The following LHFPL2 variants were observed in gnomAD, a reference collection of about 807,000 sequenced individuals.
The protein encoded by LHFPL2 is LHFPL tetraspan subfamily member 2 protein.
In LHFPL2, 7 loss-of-function variants were observed where a neutral mutation model predicts 17.5. That is an observed-to-expected ratio of 0.40 (90% CI 0.23 to 0.75). The LOEUF (loss-of-function observed/expected upper bound fraction) is 0.75, where lower values mean the gene tolerates loss of function less well. Among genes scored for constraint, LHFPL2 ranks in the 30% least tolerant of loss-of-function variants. The pLI, the probability that LHFPL2 is intolerant of heterozygous loss-of-function variation, is 0.37. For synonymous variants in LHFPL2, 134 were observed against 116.2 expected, an observed-to-expected ratio of 1.15 and a Z score of -0.99; for missense variants, 241 against 294.8, an observed-to-expected ratio of 0.82 and a Z score of 1.34.
At chr5:78,609,650 A>G (rs761728633) in intron 2 of LHFPL2, among the ~76,000 whole-genome samples, 12 of 152,124 alleles carry the variant, frequency 7.9e-5, no homozygotes, top group Admixed American at 1.3e-4. Context: ...CTGAGGGTGT[A>G]TATGTACATG....
At chr5:78,546,255 T>C (rs559912453) in intron 3 of LHFPL2, among the ~76,000 whole-genome samples, 4 of 152,344 alleles carry the variant, frequency 2.6e-5, no homozygotes, top group Non-Finnish European at 2.9e-5. Flanking sequence ...CAACTTTATA[T>C]GGGGCAATTT....
In LHFPL2 at chr5:78,491,459, G is replaced by A. The variant is rs745952162; in HGVS notation, c.431-2306C>T. Reference sequence around the variant, plus strand: ...AGGCAGCCAGTGCAGACTCTTGGTCGTCTAGAATATGGAAGGTCCTGAACC... The same window carrying A: ...AGGCAGCCAGTGCAGACTCTTGGTCATCTAGAATATGGAAGGTCCTGAACC... On this transcript the variant is annotated intron_variant, in intron 4 of 4. Transcript: ENST00000380345. Among the ~76,000 whole-genome samples the A allele has an allele frequency of 7.2e-5, 11 of 152,112 alleles. No individual in the cohort carries two copies. The South Asian group carries it at 1.0e-3, about 14-fold the overall frequency.
intron 3 of LHFPL2, among the ~76,000 whole-genome samples, chr5:78,514,465 A>T (rs940851034): frequency 1.3e-5 from 2 of 152,164 alleles, no homozygotes; most frequent in African/African-American, 2.4e-5. Context: ...AGTCAGTCCT[A>T]TGTACAGATT....
chr5:78,520,528 G>T (rs1209476489), intron 3 of LHFPL2, among the ~76,000 whole-genome samples: 8 of 152,214 alleles, frequency 5.3e-5, no homozygotes, highest in Admixed American at 4.6e-4. Context: ...GGCTCCATAG[G>T]ACCTGCTCCT....
chr5:78,634,549 A>G (rs1162573382), intron 1 of LHFPL2, among the ~76,000 whole-genome samples: 1 of 152,230 alleles, frequency 6.6e-6, no homozygotes, highest in Non-Finnish European at 1.5e-5. Context: ...CACACCTGCT[A>G]GCCCTCAACG....
At chr5:78,496,017 C>A (rs1051924340) in intron 4 of LHFPL2, among the ~76,000 whole-genome samples, 1 of 152,202 alleles carries the variant, frequency 6.6e-6, no homozygotes, top group Admixed American at 6.5e-5. Context: ...GCAAATGTTG[C>A]CTCCCCGGGA....
chr5:78,545,603 C>T (rs147591507), intron 3 of LHFPL2, among the ~76,000 whole-genome samples: 1 of 152,216 alleles, frequency 6.6e-6, no homozygotes, highest in Non-Finnish European at 1.5e-5. Context: ...TTTAAAAAGA[C>T]TTGGTGTGAT....
intron 2 of LHFPL2, among the ~76,000 whole-genome samples, chr5:78,592,965 A>G (rs1249920377): frequency 2.0e-5 from 3 of 152,350 alleles, no homozygotes; most frequent in South Asian, 2.1e-4. Context: ...AAAACATTCA[A>G]TACTATGAAC....
chr5:78,609,378 G>A (rs1458035324), intron 2 of LHFPL2, among the ~76,000 whole-genome samples: 1 of 147,258 alleles, frequency 6.8e-6, no homozygotes, highest in African/African-American at 2.5e-5. Context: ...TGGAACCCGG[G>A]AGGCAGAGGT....
intron 3 of LHFPL2, among the ~76,000 whole-genome samples, chr5:78,563,245 C>T (rs568111482): frequency 1.3e-5 from 2 of 152,290 alleles, no homozygotes; most frequent in African/African-American, 4.8e-5. Context: ...ATTAGCCAAA[C>T]TTTAAACAGG....
chr5:78,537,960 G>C (rs1013293564), intron 3 of LHFPL2, among the ~76,000 whole-genome samples: 1 of 152,178 alleles, frequency 6.6e-6, no homozygotes, highest in Non-Finnish European at 1.5e-5. Context: ...CAGGGATGGG[G>C]AATGTGTGAG....
chr5:78,492,310 T>G (rs941543821), intron 4 of LHFPL2, among the ~76,000 whole-genome samples: 1 of 152,208 alleles, frequency 6.6e-6, no homozygotes, highest in Non-Finnish European at 1.5e-5. Flanking sequence ...AACTGCACAT[T>G]GCACTTGTAT....
intron 2 of LHFPL2, 54 bp from the exon 3 acceptor site, chr5:78,564,925 G>C (rs1756819938): frequency 6.6e-6 from 1 of 152,126 alleles, no homozygotes; most frequent in South Asian, 2.1e-4. Flanking sequence ...TACACACAAA[G>C]AAGACTTAGC....
Position 78,488,593 on chromosome 5 carries a change from C to CTAATGATTTAGATTATTATCCTTCAT in LHFPL2, c.*278_*303dup. 2.9e-6 allele frequency: 1 copy of CTAATGATTTAGATTATTATCCTTCAT among 349,478 alleles called. No homozygotes were observed. The highest frequency in any genetic ancestry group is 5.4e-6 in the Non-Finnish European group (1 of 185,150). The allele number at this position is 349,478 out of a possible 1,614,324, so 21.6% of individuals were successfully genotyped here. ...TTCCGTTACCAGAGAAACTGCTGCC[C>CTAATGATTTAGATTATTATCCTTCAT]TAATGATTTAGATTATTATCCTTCA... On this transcript the variant is annotated 3_prime_UTR_variant, in exon 5 of 5. Transcript: ENST00000380345.
At chr5:78,581,720 A>G (rs1743149816) in intron 2 of LHFPL2, among the ~76,000 whole-genome samples, 2 of 152,310 alleles carry the variant, frequency 1.3e-5, no homozygotes, top group Non-Finnish European at 1.5e-5. Context: ...TTTTGCATCA[A>G]TGTTCATCAA....
In LHFPL2 at chr5:78,535,849, C is replaced by T. The variant is rs370422549; in HGVS notation, c.-185-25451G>A. Reference sequence around the variant, plus strand: ...TGACAACAGGTGCCGGACTCTGACACGAACTCATAACAATCTATAGGTTAG... The same window carrying T: ...TGACAACAGGTGCCGGACTCTGACATGAACTCATAACAATCTATAGGTTAG... On this transcript the variant is annotated intron_variant, in intron 3 of 4. Coordinates refer to ENST00000380345, the MANE Select transcript of LHFPL2 (RefSeq NM_005779.3). Among the ~76,000 whole-genome samples the T allele has an allele frequency of 4.7e-4, 71 of 152,272 alleles. 1 individual carries two copies. In the South Asian group the frequency reaches 0.014, roughly 30 times the overall value.
At position 78,489,565 on chromosome 5, in the gene LHFPL2, G is replaced by A. The variant is rs1023291193; in HGVS notation, c.431-412C>T. Reference sequence around the variant, plus strand: ...ATTACAGGCACACACCACCACACCTGGCTAAGTTTTTAAGTAGAGATGAGG... The same window carrying A: ...ATTACAGGCACACACCACCACACCTAGCTAAGTTTTTAAGTAGAGATGAGG... On this transcript the variant is annotated intron_variant, in intron 4 of 4. Transcript: ENST00000380345. Among the ~76,000 whole-genome samples the A allele has an allele frequency of 4.6e-5, 7 of 152,160 alleles. No individual in the cohort carries two copies. In the South Asian group the frequency reaches 6.2e-4, roughly 14 times the overall value.
At chr5:78,554,210 C>T (rs532440264) in intron 3 of LHFPL2, among the ~76,000 whole-genome samples, 46 of 152,370 alleles carry the variant, frequency 3.0e-4, no homozygotes, top group African/African-American at 1.1e-3. Context: ...GCCTGCTGCA[C>T]CTCAAGCCCC....
At chr5:78,572,976 G>A (rs939020727) in intron 2 of LHFPL2, among the ~76,000 whole-genome samples, 10 of 152,178 alleles carry the variant, frequency 6.6e-5, no homozygotes, top group Non-Finnish European at 1.5e-4. Flanking sequence ...ATCTAATGCT[G>A]CTGCTGAGCT....
Sources: gnomAD v4.1 joint callset for allele counts (sites outside exome capture counted in the v4.1 genomes callset) on GRCh38, gnomAD v4.1.1 for gene constraint, MANE v1.5 for transcripts, NCBI Gene and HGNC (gene_info 2026-07-23, HGNC 2026-07-21) for gene names.